TIMM23B: variants seen among roughly 807,000 people sequenced by gnomAD.
TIMM23B encodes the protein mitochondrial import inner membrane translocase subunit Tim23B.
Under a neutral mutation model 27.3 loss-of-function variants are expected in TIMM23B, and 27 were observed. The ratio of observed to expected loss-of-function variants is 0.99; its 90% confidence interval spans 0.73 to 1.36. The LOEUF (loss-of-function observed/expected upper bound fraction) is 1.36. Ranked by LOEUF, TIMM23B falls within the 40% of genes most tolerant of loss-of-function variation. The pLI, the probability that TIMM23B is intolerant of heterozygous loss-of-function variation, is 0.00. For synonymous variants in TIMM23B, 73 were observed against 92.4 expected (o/e 0.79, Z 1.21); for missense variants, 205 against 244.2 (o/e 0.84, Z 1.07).
intron 6 of TIMM23B, among the ~76,000 whole-genome samples, chr10:49,959,816 T>C (rs1413318908): frequency 6.7e-6 from 1 of 150,136 alleles, no homozygotes; most frequent in Non-Finnish European, 1.5e-5. Flanking sequence ...TGGCATGATC[T>C]CGGCTCACTG....
chr10:49,972,977 A>G (rs1394608250), intron 6 of TIMM23B, 35 bp from the exon 7 acceptor site: 3 of 1,114,582 alleles, frequency 2.7e-6, no homozygotes, highest in African/African-American at 3.1e-5. Context: ...TTTCTTGATA[A>G]TATGTTTGGT....
chr10:49,943,007 C>T (rs1589023872), intron 1 of TIMM23B, among the ~76,000 whole-genome samples: 2 of 152,162 alleles, frequency 1.3e-5, no homozygotes, highest in African/African-American at 4.8e-5. Flanking sequence ...TAAAGATAGG[C>T]AGTTGGTCGT....
At position 49,973,420 on chromosome 10, in the gene TIMM23B, A is replaced by C. The variant is rs1297320654; in HGVS notation, c.*356A>C. 2.5e-5 allele frequency: 6 copies of C among 243,674 alleles called. No homozygotes were observed. The highest frequency in any genetic ancestry group is 1.4e-4 in the African/African-American group (6 of 44,074). The allele number at this position is 243,674 out of a possible 1,614,324, so 15.1% of individuals were successfully genotyped here. A position where few individuals can be genotyped will look rare whatever the true frequency, so the allele number is the denominator to read the frequency against. ...GCTGGGCACAATGGTTCACACCTGT[A>C]ATCTCAGCACGTTTGGAGGGCAAGG... On this transcript the variant is annotated 3_prime_UTR_variant, in exon 7 of 7. Coordinates refer to ENST00000651259, the MANE Select transcript of TIMM23B (RefSeq NM_001290117.2).
chr10:49,963,891 G>A (rs1451163207), intron 6 of TIMM23B, among the ~76,000 whole-genome samples: 1 of 152,178 alleles, frequency 6.6e-6, no homozygotes, highest in African/African-American at 2.4e-5. Context: ...CTTGAACCCA[G>A]GAGGCAGAGG....
chr10:49,953,848 T>C (rs1485176272), intron 4 of TIMM23B, among the ~76,000 whole-genome samples: 1 of 152,138 alleles, frequency 6.6e-6, no homozygotes, highest in East Asian at 1.9e-4. Context: ...TCAACAACCA[T>C]CAACCATGGC....
At chr10:49,956,220 C>T (rs1839715960) in intron 5 of TIMM23B, among the ~76,000 whole-genome samples, 2 of 151,794 alleles carry the variant, frequency 1.3e-5, no homozygotes, top group Non-Finnish European at 2.9e-5. Flanking sequence ...TAAGGCTGAG[C>T]GCGGTGTATT....
intron 6 of TIMM23B, among the ~76,000 whole-genome samples, chr10:49,967,465 AT>A (rs1370364672): frequency 6.6e-6 from 1 of 151,486 alleles, no homozygotes; most frequent in Non-Finnish European, 1.5e-5. Context: ...TAAGACATTG[AT>A]TTGCCTTTGT....
Position 49,952,206 on chromosome 10 carries a change from G to T in TIMM23B, c.246G>T (p.Gly82=), listed in dbSNP as rs1255279171. Residue 82 remains glycine, a synonymous_variant, in exon 3 of 7, where the codon GGG becomes GGT. Transcript: ENST00000651259. ...RFELAFFTIG[G]CCMTGAAFGA... ...AGCTGGCCTTCTTTACGATTGGAGG[G>T]TGTTGCATGACAGGTGAGTGTTACA... 1.2e-6 allele frequency: 2 copies of T among 1,605,994 alleles called. No individual in the cohort carries two copies. The highest frequency in any genetic ancestry group is 1.7e-6 in the Non-Finnish European group (2 of 1,172,740).
intron 6 of TIMM23B, among the ~76,000 whole-genome samples, chr10:49,960,391 ATAT>A (rs1423615614): frequency 4.0e-5 from 6 of 148,526 alleles, no homozygotes; most frequent in East Asian, 3.9e-4. Context: ...TTTTTAAATA[ATAT>A]TATTATCTTG....
In TIMM23B at chr10:49,964,188, GTGAAA is replaced by G. The variant is rs560618329; in HGVS notation, c.514+5728_514+5732del. Reference sequence around the variant, plus strand: ...TGATAGAGCGAGTCTCCATCTTGAAGTGAAATGAAATGAAATGAAATGAAGAAATG... The same window carrying G: ...TGATAGAGCGAGTCTCCATCTTGAAGTGAAATGAAATGAAATGAAGAAATG... On this transcript the variant is annotated intron_variant, in intron 6 of 6. Transcript: ENST00000651259. 2.0e-3 allele frequency among the ~76,000 whole-genome samples: 290 copies of G among 142,828 alleles called. 3 individuals carry two copies. In the South Asian group the frequency reaches 0.036, roughly 18 times the overall value. 93.7% of individuals were successfully genotyped at this position (142,828 alleles called of 152,430 possible).
intron 6 of TIMM23B, among the ~76,000 whole-genome samples, chr10:49,961,339 C>T (rs1839892033): frequency 2.1e-5 from 3 of 143,690 alleles, no homozygotes; most frequent in East Asian, 2.0e-4. Flanking sequence ...GGCAAGATCA[C>T]GCCACTGCAC....
At chr10:49,950,546 CTTT>C (rs1161323117) in intron 2 of TIMM23B, among the ~76,000 whole-genome samples, 1 of 105,362 alleles carries the variant, frequency 9.5e-6, no homozygotes. Flanking sequence ...GTTTTCTTTT[CTTT>C]TTTTTTTTTT....
rs1359028249 is a variant in TIMM23B, at chr10:49,952,170, G to A, written c.210G>A (p.Trp70Ter). Residue 70 changes from tryptophan (W) to a stop codon, truncating the protein, a stop_gained, in exon 3 of 7, where the codon TGG becomes TGA. Coordinates refer to ENST00000651259, the MANE Select transcript of TIMM23B (RefSeq NM_001290117.2). LOFTEE classifies it high-confidence loss of function. The stretch of plus-strand genomic sequence containing the variant: ...TACCTACCGGAGCTAATAAAACCTG[G>A]GGCAGATTTGAGCTGGCCTTCTTTA... ...FILPTGANKTWGRFELAFFTI... is the reference protein window; with the variant it reads ...FILPTGANKT The A allele has an allele frequency of 2.2e-5, 35 of 1,604,926 alleles. No individual in the cohort carries two copies. The Admixed American group carries it at 5.7e-4, about 26-fold the overall frequency.
In TIMM23B at chr10:49,961,355, C is replaced by T. The variant is rs1417755244; in HGVS notation, c.514+2875C>T. Among the ~76,000 whole-genome samples the T allele has an allele frequency of 2.1e-5, 3 of 144,888 alleles. No individual in the cohort carries two copies. In the East Asian group the frequency reaches 6.0e-4, roughly 29 times the overall value. ...GCAAGATCACGCCACTGCACTCTAG[C>T]CTGGGCAATAAGAGTGAAACTCTGT... On this transcript the variant is annotated intron_variant, in intron 6 of 6. Transcript: ENST00000651259.
At chr10:49,942,745 GAAAT>G (rs1212705655) in intron 1 of TIMM23B, among the ~76,000 whole-genome samples, 4 of 152,206 alleles carry the variant, frequency 2.6e-5, no homozygotes, top group African/African-American at 9.7e-5. Context: ...ATGTAAGTGA[GAAAT>G]AAATATGACT....
At chr10:49,955,646 T>C (rs1181048107) in intron 5 of TIMM23B, among the ~76,000 whole-genome samples, 58 of 152,360 alleles carry the variant, frequency 3.8e-4, no homozygotes, top group Admixed American at 1.0e-3. Flanking sequence ...AATAGATCTC[T>C]TATGGCTTAT....
intron 1 of TIMM23B, among the ~76,000 whole-genome samples, chr10:49,943,954 A>T (rs1404795703): frequency 6.6e-6 from 1 of 152,130 alleles, no homozygotes; most frequent in Non-Finnish European, 1.5e-5. Flanking sequence ...TTGAGCTGTG[A>T]CCCAAATACA....
At chr10:49,945,191 A>G (rs1329099072) in intron 2 of TIMM23B, 101 bp downstream of exon 2, 2 of 1,210,968 alleles carry the variant, frequency 1.7e-6, no homozygotes, top group Non-Finnish European at 2.4e-6. Flanking sequence ...TTCTGGAGGC[A>G]GTAAGTCTCT....
chr10:49,942,620 C>T (rs1364872001), intron 1 of TIMM23B, among the ~76,000 whole-genome samples: 1 of 152,118 alleles, frequency 6.6e-6, no homozygotes. Context: ...GAGTAGAGCC[C>T]AGCTTTGGGA....
Sources: gnomAD v4.1 joint callset for allele counts (sites outside exome capture counted in the v4.1 genomes callset) on GRCh38, gnomAD v4.1.1 for gene constraint, MANE v1.5 for transcripts, NCBI Gene and HGNC (gene_info 2026-07-23, HGNC 2026-07-21) for gene names.